The following RERE variants were observed in gnomAD, a reference collection of about 807,000 sequenced individuals.
RERE encodes the protein arginine-glutamic acid dipeptide repeats protein.
In RERE, 40 loss-of-function variants were observed where a neutral mutation model predicts 146.1. That is an observed-to-expected ratio of 0.27 (90% confidence interval 0.21 to 0.36). RERE has a LOEUF of 0.36. Among genes scored for constraint, RERE ranks in the 10% least tolerant of loss-of-function variants. The pLI, the probability that RERE is intolerant of heterozygous loss-of-function variation, is 1.00. For synonymous variants in RERE, 1,003 were observed against 866.0 expected, an observed-to-expected ratio of 1.16 and a Z score of -2.78; for missense variants, 1,933 against 2,138.7, an observed-to-expected ratio of 0.90 and a Z score of 1.90.
At chr1:8,535,997 T>G (rs1296497385) in intron 7 of RERE, among the ~76,000 whole-genome samples, 1 of 151,544 alleles carries the variant, frequency 6.6e-6, no homozygotes, top group Admixed American at 6.6e-5. Flanking sequence ...TCCCAGCTAC[T>G]TGGGAGGCTG....
At chr1:8,555,199 C>G (rs1645993043) in intron 6 of RERE, among the ~76,000 whole-genome samples, 1 of 152,208 alleles carries the variant, frequency 6.6e-6, no homozygotes, top group Admixed American at 6.5e-5. Flanking sequence ...AGAGTTTTCC[C>G]ATTTTTAAAT....
chr1:8,658,360 T>A (rs1638373953), intron 1 of RERE, among the ~76,000 whole-genome samples: 1 of 151,950 alleles, frequency 6.6e-6, no homozygotes, highest in Non-Finnish European at 1.5e-5. Context: ...GCAACTAGGG[T>A]GAGAAAGGAA....
chr1:8,450,020 TTTAAG>T (rs1270685710), intron 11 of RERE, among the ~76,000 whole-genome samples: 2 of 152,182 alleles, frequency 1.3e-5, no homozygotes, highest in African/African-American at 4.8e-5. Context: ...ATTCATCTTA[TTTAAG>T]TTAATTTGCT....
Position 8,360,833 on chromosome 1 carries a change from C to T in RERE, c.2674G>A (p.Ala892Thr), listed in dbSNP as rs1363585877. 1 of 1,547,366 alleles carries T rather than the reference C, an allele frequency of 6.5e-7. No individual in the cohort carries two copies. The highest frequency in any genetic ancestry group is 8.7e-7 in the Non-Finnish European group (1 of 1,152,264). Residue 892 changes from alanine to threonine, a missense_variant, in exon 18 of 23, where the codon GCG (alanine) becomes ACG (threonine). This residue lies in a region of RERE where 1,255 missense variants were observed against 1,153.8 expected (regional missense o/e 1.09). Transcript: ENST00000400908. ...AGCTGCAGGGAGGTGTGAGGGTACG[C>T]TGCTGCTGGGGAGGTCCCCAGAGGG... is the stretch of plus-strand genomic sequence containing the variant. ...QAPLGTSPAA[A>T]YPHTSLQLPA...
At chr1:8,777,239 T>G (rs998969794) in intron 1 of RERE, among the ~76,000 whole-genome samples, 1 of 152,174 alleles carries the variant, frequency 6.6e-6, no homozygotes, top group Non-Finnish European at 1.5e-5. Context: ...CTGGAAAGCA[T>G]TGTCTTATCT....
At chr1:8,431,920 A>G (rs1644100736) in intron 11 of RERE, among the ~76,000 whole-genome samples, 1 of 151,982 alleles carries the variant, frequency 6.6e-6, no homozygotes, top group Non-Finnish European at 1.5e-5. Context: ...CACTCCTTCC[A>G]TCAGTCACCA....
At chr1:8,511,602 T>A (rs1645336131) in intron 7 of RERE, among the ~76,000 whole-genome samples, 4 of 152,102 alleles carry the variant, frequency 2.6e-5, no homozygotes, top group Non-Finnish European at 5.9e-5. Flanking sequence ...CAAAGCTTGA[T>A]GCAGCTGACA....
At chr1:8,507,737 C>CTTTTTTTTTTTTTTTTT (rs58647657) in intron 8 of RERE, among the ~76,000 whole-genome samples, 24 of 85,946 alleles carry the variant, frequency 2.8e-4, no homozygotes, top group African/African-American at 4.0e-4. Flanking sequence ...CATCTTTTAT[C>CTTTTTTTTTTTTTTTTT]TTTTTTTTTT....
At chr1:8,413,981 G>C (rs1039115236) in intron 12 of RERE, among the ~76,000 whole-genome samples, 3 of 150,610 alleles carry the variant, frequency 2.0e-5, no homozygotes, top group Non-Finnish European at 4.4e-5. Context: ...CTTGAACCCG[G>C]GAGACGGAGG....
chr1:8,652,753 T>A (rs1266507462), intron 2 of RERE, among the ~76,000 whole-genome samples: 1 of 152,190 alleles, frequency 6.6e-6, no homozygotes, highest in Non-Finnish European at 1.5e-5. Flanking sequence ...TTCATTTATC[T>A]CCACCTAGTC....
intron 7 of RERE, among the ~76,000 whole-genome samples, chr1:8,526,780 T>C (rs1414820314): frequency 2.0e-5 from 3 of 152,290 alleles, no homozygotes; most frequent in South Asian, 4.1e-4. Flanking sequence ...CACAAACACA[T>C]GAACATCCAA....
At position 8,673,763 on chromosome 1, in the gene RERE, G is replaced by A. The variant is rs573963296; in HGVS notation, c.-144-17322C>T. The stretch of plus-strand genomic sequence containing the variant: ...AAAGCTTAAGGCTATAATATTTTTT[G>A]GCTGGCGCAGTGGCTCATGCCTGTA... On this transcript the variant is annotated intron_variant, in intron 1 of 22. Transcript: ENST00000400908. Among the ~76,000 whole-genome samples, 6 of 152,198 alleles carry A rather than the reference G, an allele frequency of 3.9e-5. No individual in the cohort carries two copies. In the South Asian group the frequency reaches 1.2e-3, roughly 32 times the overall value.
At chr1:8,699,722 CA>C (rs1257904167) in intron 1 of RERE, among the ~76,000 whole-genome samples, 5 of 152,184 alleles carry the variant, frequency 3.3e-5, no homozygotes, top group African/African-American at 7.2e-5. Flanking sequence ...ATATAAGTTA[CA>C]ATGAAATTAT....
At chr1:8,522,729 C>T (rs1645517717) in intron 7 of RERE, among the ~76,000 whole-genome samples, 1 of 152,022 alleles carries the variant, frequency 6.6e-6, no homozygotes, top group Admixed American at 6.6e-5. Context: ...AAAAATTAGC[C>T]AGGCATGGTG....
chr1:8,595,204 T>C (rs1263748181), intron 4 of RERE, among the ~76,000 whole-genome samples: 2 of 151,766 alleles, frequency 1.3e-5, no homozygotes, highest in Admixed American at 6.6e-5. Flanking sequence ...CCATGTTATC[T>C]GTGACTGTGG....
chr1:8,532,628 CTT>C (rs1255515121), intron 7 of RERE, among the ~76,000 whole-genome samples: 1 of 151,960 alleles, frequency 6.6e-6, no homozygotes, highest in Non-Finnish European at 1.5e-5. Context: ...GAATTTTGCT[CTT>C]GTTGCCCAGG....
intron 1 of RERE, among the ~76,000 whole-genome samples, chr1:8,784,119 A>G (rs1641218444): frequency 6.6e-6 from 1 of 152,168 alleles, no homozygotes. Flanking sequence ...CCCCCTGCTC[A>G]TTCTGCTCCC....
intron 3 of RERE, among the ~76,000 whole-genome samples, chr1:8,617,383 T>TAAAAAAAAAA: frequency 7.1e-6 from 1 of 140,482 alleles, no homozygotes; most frequent in Admixed American, 7.0e-5. Flanking sequence ...TCTTAACTCT[T>TAAAAAAAAAA]AAAGAATTAA....
At chr1:8,755,256 C>T (rs1640612227) in intron 1 of RERE, among the ~76,000 whole-genome samples, 1 of 152,198 alleles carries the variant, frequency 6.6e-6, no homozygotes, top group Non-Finnish European at 1.5e-5. Flanking sequence ...AAGCTAAATA[C>T]AGTCAAAACA....
Sources: gnomAD v4.1 joint callset for allele counts (sites outside exome capture counted in the v4.1 genomes callset) on GRCh38, gnomAD v4.1.1 for gene constraint, gnomAD v4.1.1 regional missense constraint, MANE v1.5 for transcripts, NCBI Gene and HGNC (gene_info 2026-07-23, HGNC 2026-07-21) for gene names.